Variants in SLC41A2 observed in about 807,000 individuals in gnomAD.
The protein encoded by SLC41A2 is solute carrier family 41 member 2.
SLC41A2 carries 32 observed loss-of-function variants against 58.3 expected under a neutral mutation model. The observed-to-expected ratio is 0.55, with a 90% CI of 0.41 to 0.74. The LOEUF (loss-of-function observed/expected upper bound fraction) is 0.74. SLC41A2 is among the 30% of genes least tolerant of loss of function. The probability of loss-of-function intolerance (pLI) is 0.00; values close to 1 mark genes in which losing one functional copy is unlikely to be tolerated. For synonymous variants in SLC41A2, 190 were observed against 235.0 expected, an observed-to-expected ratio of 0.81 and a Z score of 1.75; for missense variants, 514 against 680.6, an observed-to-expected ratio of 0.76 and a Z score of 2.72.
chr12:104,880,743 T>C (rs2044323683), intron 6 of SLC41A2, among the ~76,000 whole-genome samples: 1 of 152,208 alleles, frequency 6.6e-6, no homozygotes, highest in Non-Finnish European at 1.5e-5. Context: ...GATTTTTGTG[T>C]CAATGTTTAT....
chr12:104,857,959 C>A (rs542632283), intron 8 of SLC41A2, among the ~76,000 whole-genome samples: 173 of 151,932 alleles, frequency 1.1e-3, no homozygotes, highest in African/African-American at 4.1e-3. Context: ...ATGTAACAAA[C>A]CTGCACGTTG....
intron 3 of SLC41A2, among the ~76,000 whole-genome samples, chr12:104,906,478 C>T (rs2135762547): frequency 6.6e-6 from 1 of 152,176 alleles, no homozygotes; most frequent in Non-Finnish European, 1.5e-5. Context: ...GGCCTCAGAC[C>T]AGGGGGTGGC....
chr12:104,900,169 T>C (rs1288885884), intron 3 of SLC41A2, among the ~76,000 whole-genome samples: 1 of 152,194 alleles, frequency 6.6e-6, no homozygotes, highest in African/African-American at 2.4e-5. Context: ...TTGCAATTCT[T>C]ACTCATTGTA....
intron 4 of SLC41A2, among the ~76,000 whole-genome samples, chr12:104,894,123 G>A (rs981407254): frequency 2.6e-5 from 4 of 151,988 alleles, no homozygotes; most frequent in Admixed American, 6.6e-5. Context: ...CACCTACTAC[G>A]TATCCACAAA....
At chr12:104,821,870 C>A (rs1412244025) in intron 10 of SLC41A2, among the ~76,000 whole-genome samples, 1 of 152,148 alleles carries the variant, frequency 6.6e-6, no homozygotes, top group Non-Finnish European at 1.5e-5. Context: ...ATTCTTTATA[C>A]CTTATACATA....
intron 4 of SLC41A2, among the ~76,000 whole-genome samples, chr12:104,892,678 T>C (rs1291731477): frequency 2.0e-5 from 3 of 151,898 alleles, no homozygotes; most frequent in Non-Finnish European, 4.4e-5. Context: ...TGGAAGAGAA[T>C]AGAGAAACCA....
At chr12:104,905,689 C>A (rs1003714504) in intron 3 of SLC41A2, among the ~76,000 whole-genome samples, 29 of 152,374 alleles carry the variant, frequency 1.9e-4, no homozygotes, top group Non-Finnish European at 3.8e-4. Flanking sequence ...GGCGAGAAAT[C>A]GAGCGCAGCG....
At chr12:104,872,629 A>T (rs1398190449) in intron 6 of SLC41A2, among the ~76,000 whole-genome samples, 1 of 152,164 alleles carries the variant, frequency 6.6e-6, no homozygotes, top group Non-Finnish European at 1.5e-5. Context: ...GATACTTGGG[A>T]GGCTGAGGCA....
intron 6 of SLC41A2, among the ~76,000 whole-genome samples, chr12:104,886,075 G>A (rs544755835): frequency 1.3e-5 from 2 of 150,660 alleles, no homozygotes; most frequent in Admixed American, 1.3e-4. Flanking sequence ...AATTAGAGAT[G>A]ATAATCCTTA....
intron 5 of SLC41A2, 82 bp downstream of exon 5, chr12:104,888,951 A>C: frequency 7.4e-7 from 1 of 1,350,638 alleles, no homozygotes. Flanking sequence ...AACAGGTATC[A>C]TTTAAATAAA....
intron 8 of SLC41A2, among the ~76,000 whole-genome samples, chr12:104,847,137 A>G (rs1487419219): frequency 6.6e-6 from 1 of 152,134 alleles, no homozygotes; most frequent in East Asian, 1.9e-4. Flanking sequence ...AGATATACAA[A>G]TATATTAAAA....
chr12:104,915,849 C>G (rs1161047238), intron 2 of SLC41A2, among the ~76,000 whole-genome samples: 8 of 152,188 alleles, frequency 5.3e-5, no homozygotes, highest in South Asian at 2.1e-4. Flanking sequence ...TCTTGTGACA[C>G]TTTTCAAAGG....
chr12:104,824,227 C>T (rs535058567), intron 10 of SLC41A2, among the ~76,000 whole-genome samples: 3 of 152,180 alleles, frequency 2.0e-5, no homozygotes, highest in Admixed American at 6.5e-5. Flanking sequence ...GCCTGCCACG[C>T]CCCCATCTTG....
At position 104,805,283 on chromosome 12, in the gene SLC41A2, C is replaced by T. The variant is rs780100685; in HGVS notation, c.1591G>A (p.Gly531Arg). The T allele has an allele frequency of 6.2e-7, 1 of 1,613,878 alleles. No individual in the cohort carries two copies. Among genetic ancestry groups the T allele is most frequent in the Non-Finnish European group, 8.5e-7 (1 of 1,179,828 alleles). Residue 531 changes from glycine to arginine, a missense_variant, in exon 11 of 11, where the codon GGA becomes AGA. Gly to Arg is a moderately radical substitution (Grantham distance 125). Coordinates refer to ENST00000258538, the MANE Select transcript of SLC41A2 (RefSeq NM_001352171.3). ...DWMVHHFWRK[G>R]KDPDSFSIPY... is the part of the protein sequence containing the mutation. ...ATGGAGAAACTATCCGGGTCCTTTC[C>T]TTTCCTCCAGAAGTGATGGACCATC...
At chr12:104,895,556 T>TA (rs2045237255) in intron 3 of SLC41A2, among the ~76,000 whole-genome samples, 1 of 152,196 alleles carries the variant, frequency 6.6e-6, no homozygotes, top group African/African-American at 2.4e-5. Flanking sequence ...AAATTTTTTT[T>TA]ACTTACCTGT....
chr12:104,856,491 A>G (rs2043023822), intron 8 of SLC41A2, among the ~76,000 whole-genome samples: 1 of 152,180 alleles, frequency 6.6e-6, no homozygotes, highest in South Asian at 2.1e-4. Context: ...TTGATTGTAG[A>G]GAGTAGAAGA....
At chr12:104,937,391 A>G (rs759113887) in intron 1 of SLC41A2, among the ~76,000 whole-genome samples, 1 of 152,118 alleles carries the variant, frequency 6.6e-6, no homozygotes, top group Non-Finnish European at 1.5e-5. Flanking sequence ...TACGTTTTCT[A>G]TTTTTAGATA....
chr12:104,912,816 A>G (rs1401694421), intron 2 of SLC41A2, among the ~76,000 whole-genome samples: 1 of 152,152 alleles, frequency 6.6e-6, no homozygotes, highest in Non-Finnish European at 1.5e-5. Context: ...GTGGGATCTG[A>G]TGCTACCTCT....
At chr12:104,832,594 C>G (rs1017126766) in intron 10 of SLC41A2, among the ~76,000 whole-genome samples, 1 of 152,162 alleles carries the variant, frequency 6.6e-6, no homozygotes, top group Non-Finnish European at 1.5e-5. Context: ...ATTTAATTTC[C>G]TTAACTCAAA....
Sources: gnomAD v4.1 joint callset for allele counts (sites outside exome capture counted in the v4.1 genomes callset) on GRCh38, gnomAD v4.1.1 for gene constraint, MANE v1.5 for transcripts, NCBI Gene and HGNC (gene_info 2026-07-23, HGNC 2026-07-21) for gene names.